Variants in NRG1 observed in about 807,000 individuals in gnomAD.
NRG1 encodes the protein neuregulin 1, also known as pro-neuregulin-1, membrane-bound isoform.
NRG1 carries 18 observed loss-of-function variants against 63.8 expected under a neutral mutation model. That is an observed-to-expected ratio of 0.28 (90% CI 0.19 to 0.42). The LOEUF (loss-of-function observed/expected upper bound fraction) is 0.42. Among genes scored for constraint, NRG1 ranks in the 10% least tolerant of loss-of-function variants. The pLI, the probability that NRG1 is intolerant of heterozygous loss-of-function variation, is 1.00. For synonymous variants in NRG1, 302 were observed against 301.3 expected (o/e 1.00, Z -0.02); for missense variants, 762 against 814.7 (o/e 0.94, Z 0.79).
chr8:31,802,284 C>T (rs1263923169), intron 1 of NRG1, among the ~76,000 whole-genome samples: 1 of 152,144 alleles, frequency 6.6e-6, no homozygotes, highest in Non-Finnish European at 1.5e-5. Flanking sequence ...TCTGACTTTA[C>T]TTCATGCTAC....
intron 1 of NRG1, among the ~76,000 whole-genome samples, chr8:32,310,580 C>T (rs995829628): frequency 6.6e-6 from 1 of 152,180 alleles, no homozygotes; most frequent in African/African-American, 2.4e-5. Flanking sequence ...TGAATTTCTT[C>T]CCTCATGTCT....
At chr8:31,799,673 A>C (rs1481741023) in intron 1 of NRG1, among the ~76,000 whole-genome samples, 1 of 152,184 alleles carries the variant, frequency 6.6e-6, no homozygotes, top group Non-Finnish European at 1.5e-5. Context: ...TTTTCCAATG[A>C]GATATATCTA....
chr8:32,379,119 C>A (rs1376583300), intron 1 of NRG1, among the ~76,000 whole-genome samples: 4 of 151,884 alleles, frequency 2.6e-5, no homozygotes, highest in African/African-American at 9.7e-5. Context: ...TTTGCCATCT[C>A]CTGGGTCAAA....
intron 1 of NRG1, among the ~76,000 whole-genome samples, chr8:31,913,750 G>A (rs536871023): frequency 2.0e-5 from 3 of 152,206 alleles, no homozygotes; most frequent in South Asian, 4.1e-4. Flanking sequence ...CAGAATTAGC[G>A]CAGTTTGCAT....
chr8:31,955,213 A>T (rs327385), intron 1 of NRG1, among the ~76,000 whole-genome samples: 129,920 of 152,148 alleles, frequency 0.85, 56,325 homozygotes, highest in African/African-American at 0.96. Flanking sequence ...TTAAATTTTT[A>T]AAAAATAAAA....
chr8:32,414,591 T>C (rs1162772871), intron 1 of NRG1, among the ~76,000 whole-genome samples: 1 of 152,172 alleles, frequency 6.6e-6, no homozygotes, highest in Non-Finnish European at 1.5e-5. Flanking sequence ...GAGACTATCC[T>C]GGTGGGAGTA....
At position 31,673,161 on chromosome 8, in the gene NRG1, A is replaced by T. The variant is rs538568977; in HGVS notation, c.37+33730A>T. ...AAGAATCAGCTAGGGTCTTTGTTAA[A>T]CTTGCAGATACTCAGACATCATCCC... On this transcript the variant is annotated intron_variant, in intron 1 of 10. Transcript: ENST00000519301. Among the ~76,000 whole-genome samples, 9 of 152,228 alleles carry T rather than the reference A, an allele frequency of 5.9e-5. No individual in the cohort carries two copies. The East Asian group carries it at 1.5e-3, about 26-fold the overall frequency.
chr8:31,831,368 G>T (rs1825143815), intron 1 of NRG1, among the ~76,000 whole-genome samples: 1 of 152,074 alleles, frequency 6.6e-6, no homozygotes, highest in Admixed American at 6.5e-5. Flanking sequence ...CTCCCAAAGT[G>T]CTGGGATTAC....
chr8:32,625,862 C>T (rs1011875641), intron 5 of NRG1, among the ~76,000 whole-genome samples: 2 of 144,392 alleles, frequency 1.4e-5, no homozygotes, highest in African/African-American at 5.2e-5. Flanking sequence ...GGTGTGATCT[C>T]GGCTCACTGC....
intron 7 of NRG1, chr8:32,749,498 A>G: frequency 1.3e-6 from 2 of 1,542,890 alleles, no homozygotes; most frequent in East Asian, 2.2e-5. Flanking sequence ...AGTGCAGTGT[A>G]TTGCTCTTTT....
Position 31,640,640 on chromosome 8 carries a change from C to A in NRG1, c.37+1209C>A, listed in dbSNP as rs754569262. The A allele has an allele frequency of 6.2e-7, 1 of 1,609,168 alleles. No homozygotes were observed. Among genetic ancestry groups the A allele is most frequent in the Non-Finnish European group, 8.5e-7 (1 of 1,178,680 alleles). On this transcript the variant is annotated intron_variant, in intron 1 of 10. Transcript: ENST00000519301. The surrounding 1 kb of genome is among the most constrained non-coding windows in gnomAD (Gnocchi z 6.3). ...CCCGACGCCAACAGCACCAGCCGCGCGCCGGCCGCCTTCCGAGCCTCTTTC... is the reference window on the plus strand; with the variant it reads ...CCCGACGCCAACAGCACCAGCCGCGAGCCGGCCGCCTTCCGAGCCTCTTTC...
At chr8:32,049,343 C>T (rs1563725522) in intron 1 of NRG1, among the ~76,000 whole-genome samples, 1 of 152,084 alleles carries the variant, frequency 6.6e-6, no homozygotes, top group Non-Finnish European at 1.5e-5. Context: ...TGATCAGAGT[C>T]CAGTCACCTG....
chr8:32,386,670 C>T (rs1307182686), intron 1 of NRG1, among the ~76,000 whole-genome samples: 1 of 152,136 alleles, frequency 6.6e-6, no homozygotes, highest in African/African-American at 2.4e-5. Flanking sequence ...ATGTATTCTC[C>T]CAGTTTGGGC....
At chr8:31,834,301 A>ATGTG (rs376775050) in intron 1 of NRG1, among the ~76,000 whole-genome samples, 1 of 145,420 alleles carries the variant, frequency 6.9e-6, no homozygotes, top group Admixed American at 6.9e-5. Flanking sequence ...GTGTGCGCGC[A>ATGTG]CGCGCGCACA....
chr8:32,436,021 G>A lies in NRG1; in HGVS notation c.38-159807G>A, dbSNP rs1406942556. ...CTAACCTTATACATTCACCAGGAGT[G>A]TGTATTAATCACTTCTCACACTGCT... On this transcript the variant is annotated intron_variant, in intron 1 of 10. Coordinates refer to the NRG1 transcript ENST00000519301. Among the ~76,000 whole-genome samples, 4 of 152,200 alleles carry A rather than the reference G, an allele frequency of 2.6e-5. No individual in the cohort carries two copies. The East Asian group carries it at 7.7e-4, about 29-fold the overall frequency.
chr8:31,654,033 C>A (rs1310523768), intron 1 of NRG1, among the ~76,000 whole-genome samples: 1 of 151,868 alleles, frequency 6.6e-6, no homozygotes, highest in Admixed American at 6.6e-5. Flanking sequence ...TAGGTTAAAC[C>A]TGCCTGGTGT....
At chr8:32,174,278 A>G (rs777358179) in intron 1 of NRG1, among the ~76,000 whole-genome samples, 5 of 152,214 alleles carry the variant, frequency 3.3e-5, no homozygotes, top group Non-Finnish European at 7.3e-5. Context: ...ATGTTCTTTG[A>G]AACCAACGAG....
At chr8:31,916,970 T>C (rs945041026) in intron 1 of NRG1, among the ~76,000 whole-genome samples, 1 of 152,092 alleles carries the variant, frequency 6.6e-6, no homozygotes, top group African/African-American at 2.4e-5. Flanking sequence ...GGCAAGCATT[T>C]TTTCATGTGT....
chr8:31,990,158 A>G (rs924576105), intron 1 of NRG1, among the ~76,000 whole-genome samples: 4 of 152,046 alleles, frequency 2.6e-5, no homozygotes, highest in Non-Finnish European at 5.9e-5. Context: ...TGTTTTACAT[A>G]TGGGAAAATG....
Sources: allele counts gnomAD v4.1 joint callset (sites outside exome capture counted in the v4.1 genomes callset), GRCh38; gene constraint gnomAD v4.1.1; non-coding constraint Gnocchi (gnomAD v3.1); transcripts MANE v1.5; gene names NCBI Gene and HGNC (gene_info 2026-07-23, HGNC 2026-07-21).